The following UTRN variants were observed in gnomAD, a reference collection of about 807,000 sequenced individuals.
UTRN encodes dystrophin-related protein 1.
Under a neutral mutation model 463.9 loss-of-function variants are expected in UTRN, and 283 were observed. The observed-to-expected ratio is 0.61, with a 90% CI of 0.55 to 0.67. The LOEUF is 0.67. UTRN is among the 30% of genes least tolerant of loss of function. UTRN has a pLI of 0.00. For missense variants in UTRN, 3,922 were observed against 4,084.3 expected, an observed-to-expected ratio of 0.96 and a Z score of 1.08; for synonymous variants, 1,442 against 1,431.5, an observed-to-expected ratio of 1.01 and a Z score of -0.17.
chr6:144,424,130 T>C lies in UTRN; in HGVS notation c.405+52T>C, dbSNP rs184871068. Reference sequence around the variant, plus strand: ...ATAGAGATGGAAAATGTGTTGTTTGTCTTTTAGTTTCTTAAGGCTGCCGTA... The same window carrying C: ...ATAGAGATGGAAAATGTGTTGTTTGCCTTTTAGTTTCTTAAGGCTGCCGTA... On this transcript the variant is annotated intron_variant, in intron 6 of 74. Coordinates refer to ENST00000367545, the MANE Select transcript of UTRN (RefSeq NM_007124.3). 6 of 1,580,132 alleles carry C rather than the reference T, an allele frequency of 3.8e-6. No homozygotes were observed. The Admixed American group carries it at 6.9e-5, about 18-fold the overall frequency.
In UTRN at chr6:144,531,106, C is replaced by G. The variant is rs1797019718; in HGVS notation, c.5961C>G (p.Asp1987Glu). ...EWRQFHCDLNDLTQWITEAEE... is the reference protein window; with the variant it reads ...EWRQFHCDLNELTQWITEAEE... ...GACAGTTCCATTGTGACCTTAATGACCTCACACAGTGGATAACAGAGGCTG... is the reference window on the plus strand; with the variant it reads ...GACAGTTCCATTGTGACCTTAATGAGCTCACACAGTGGATAACAGAGGCTG... Residue 1987 changes from aspartate (D) to glutamate (E), a missense_variant, in exon 42 of 75, where the codon GAC (aspartate) becomes GAG (glutamate). Asp to Glu is a conservative substitution (Grantham distance 45, BLOSUM62 2). Transcript: ENST00000367545. The G allele has an allele frequency of 6.2e-7, 1 of 1,613,962 alleles. No individual in the cohort carries two copies. The highest frequency in any genetic ancestry group is 1.3e-5 in the African/African-American group (1 of 75,004).
chr6:144,630,180 T>A (rs1454059794), intron 51 of UTRN, among the ~76,000 whole-genome samples: 1 of 152,074 alleles, frequency 6.6e-6, no homozygotes, highest in Non-Finnish European at 1.5e-5. Context: ...AGAGCGAGAC[T>A]CCATCTCAAA....
intron 2 of UTRN, among the ~76,000 whole-genome samples, chr6:144,319,490 G>A (rs1204044764): frequency 6.6e-6 from 1 of 152,176 alleles, no homozygotes; most frequent in African/African-American, 2.4e-5. Flanking sequence ...AAAGGACGAA[G>A]CCTAGTACAT....
chr6:144,569,744 C>T (rs561855636), intron 50 of UTRN, among the ~76,000 whole-genome samples: 9 of 152,242 alleles, frequency 5.9e-5, no homozygotes, highest in African/African-American at 1.7e-4. Context: ...AAAGTGTCCC[C>T]CAAAGTGATT....
intron 18 of UTRN, among the ~76,000 whole-genome samples, chr6:144,451,994 G>C (rs1203437667): frequency 6.6e-5 from 10 of 152,124 alleles, no homozygotes; most frequent in African/African-American, 2.4e-4. Flanking sequence ...AGAGTGTGAT[G>C]GGAACTTGCA....
At chr6:144,644,705 A>T (rs1256594228) in intron 51 of UTRN, among the ~76,000 whole-genome samples, 1 of 152,188 alleles carries the variant, frequency 6.6e-6, no homozygotes, top group Admixed American at 6.5e-5. Flanking sequence ...ACTTTATCTC[A>T]ACTTCATTAA....
chr6:144,287,806 G>A (rs1197028788), intron 1 of UTRN, among the ~76,000 whole-genome samples: 3 of 152,162 alleles, frequency 2.0e-5, no homozygotes, highest in East Asian at 1.9e-4. Flanking sequence ...AGAACATCTG[G>A]CTTTTACAGA....
intron 7 of UTRN, among the ~76,000 whole-genome samples, chr6:144,428,476 A>G (rs1185251915): frequency 1.3e-4 from 16 of 127,806 alleles, no homozygotes; most frequent in Admixed American, 1.2e-3. Flanking sequence ...GTTTCCCTTT[A>G]CCCCCTTTTC....
chr6:144,672,761 T>A (rs117953836), intron 51 of UTRN, among the ~76,000 whole-genome samples: 88,232 of 151,112 alleles, frequency 0.58, 27,363 homozygotes, highest in East Asian at 0.86. Flanking sequence ...GTGTGACCTT[T>A]CCTTGTCTGT....
At chr6:144,593,634 C>G (rs963488327) in intron 51 of UTRN, among the ~76,000 whole-genome samples, 1 of 152,214 alleles carries the variant, frequency 6.6e-6, no homozygotes, top group Non-Finnish European at 1.5e-5. Context: ...TCAGCCATGA[C>G]TTGGCCTTAG....
At chr6:144,340,235 T>C (rs1402129224) in intron 2 of UTRN, among the ~76,000 whole-genome samples, 1 of 152,166 alleles carries the variant, frequency 6.6e-6, no homozygotes, top group Non-Finnish European at 1.5e-5. Context: ...AACTTGTCCT[T>C]TGCATTTAGT....
intron 58 of UTRN, among the ~76,000 whole-genome samples, 196 bp from the exon 59 acceptor site, chr6:144,771,711 C>T (rs1050845628): frequency 3.9e-5 from 6 of 152,058 alleles, no homozygotes; most frequent in African/African-American, 1.5e-4. Context: ...CAGGAAGAGC[C>T]ACTGCCCCTG....
rs550914022 is a variant in UTRN, at chr6:144,830,730, T to G, written c.9665+1875T>G. 1.8e-4 allele frequency among the ~76,000 whole-genome samples: 19 copies of G among 107,024 alleles called. 1 individual carries two copies. Among genetic ancestry groups the G allele is most frequent in the African/African-American group, 4.1e-4 (15 of 36,412 alleles). 70.2% of individuals were successfully genotyped at this position (107,024 alleles called of 152,430 possible). A position where few individuals can be genotyped will look rare whatever the true frequency, so the allele number is the denominator to read the frequency against. On this transcript the variant is annotated intron_variant, in intron 69 of 74. Coordinates refer to ENST00000367545, the MANE Select transcript of UTRN (RefSeq NM_007124.3). ...TTTGTTTTTTGTTTTTTGTTTTTTG[T>G]TTTTTTTTTGCTTTTTTAGCTCATC...
chr6:144,479,309 G>A lies in UTRN; in HGVS notation c.3337-503G>A, dbSNP rs1420937778. The stretch of plus-strand genomic sequence containing the variant: ...AGTTTTTGTATTTTTAGTAGAGATG[G>A]GGTTTTGCCATGTTGGCCATGCTGA... On this transcript the variant is annotated intron_variant, in intron 25 of 74. Coordinates refer to ENST00000367545, the MANE Select transcript of UTRN (RefSeq NM_007124.3). Among the ~76,000 whole-genome samples, 4 of 151,892 alleles carry A rather than the reference G, an allele frequency of 2.6e-5. No homozygotes were observed. The East Asian group carries it at 7.7e-4, about 29-fold the overall frequency.
In UTRN at chr6:144,485,399, T is replaced by G. The variant is rs1281086169; in HGVS notation, c.3702T>G (p.Cys1234Trp). The G allele has an allele frequency of 2.5e-6, 4 of 1,614,136 alleles. No homozygotes were observed. The highest frequency in any genetic ancestry group is 2.5e-6 in the Non-Finnish European group (3 of 1,180,012). The change falls in exon 28 of 75, where the codon TGT becomes TGG. Residue 1234 changes from cysteine (C) to tryptophan (W), a missense_variant. Cys to Trp is a radical substitution (Grantham distance 215, BLOSUM62 -2). Transcript: ENST00000367545. ...KCHTLEEVWSCWIELLHYLDL... is the reference protein window; with the variant it reads ...KCHTLEEVWSWWIELLHYLDL... ...TCATGCTTTAGGAGGTCTGGTCTTG[T>G]TGGATTGAACTGCTTCACTATTTGG...
intron 54 of UTRN, among the ~76,000 whole-genome samples, chr6:144,741,937 C>A (rs1258561770): frequency 6.6e-6 from 1 of 152,070 alleles, no homozygotes; most frequent in Non-Finnish European, 1.5e-5. Context: ...CATGTAGCTC[C>A]CTCCAAAGCG....
At chr6:144,577,033 A>C in intron 50 of UTRN, 66 bp from the exon 51 acceptor site, 1 of 1,498,456 alleles carries the variant, frequency 6.7e-7, no homozygotes, top group South Asian at 1.2e-5. Context: ...TATTTAGGGG[A>C]TGCGTGATGT....
At chr6:144,843,136 A>T (rs1586799504) in intron 73 of UTRN, among the ~76,000 whole-genome samples, 1 of 152,190 alleles carries the variant, frequency 6.6e-6, no homozygotes, top group Admixed American at 6.5e-5. Context: ...GCTTATACCT[A>T]AATAACCTTA....
chr6:144,844,417 T>G (rs1006951923), intron 73 of UTRN, among the ~76,000 whole-genome samples: 1 of 152,040 alleles, frequency 6.6e-6, no homozygotes, highest in Non-Finnish European at 1.5e-5. Context: ...TACAGGCACA[T>G]GCCACCACGC....
Sources: gnomAD v4.1 joint callset for allele counts (sites outside exome capture counted in the v4.1 genomes callset) on GRCh38, gnomAD v4.1.1 for gene constraint, MANE v1.5 for transcripts, NCBI Gene and HGNC (gene_info 2026-07-23, HGNC 2026-07-21) for gene names.